Variants in GALNT17 observed in about 807,000 individuals in gnomAD.
GALNT17 encodes UDP-GalNAc:polypeptide N-acetylgalactosaminyltransferase-like 3.
A neutral mutation model predicts 63.7 loss-of-function variants in GALNT17; 29 were observed. The observed-to-expected ratio is 0.46, with a 90% confidence interval of 0.34 to 0.62. The LOEUF (loss-of-function observed/expected upper bound fraction) is 0.62, where lower values mean the gene tolerates loss of function less well. Ranked by LOEUF, GALNT17 falls within the 20% of genes least tolerant of loss-of-function variation. The pLI is 0.01. For synonymous variants in GALNT17, 305 were observed against 318.3 expected (o/e 0.96, Z 0.45); for missense variants, 603 against 799.6 (o/e 0.75, Z 2.97).
Position 71,672,930 on chromosome 7 carries a change from G to GAA in GALNT17, c.1404+2825_1404+2826dup, listed in dbSNP as rs1791092036. The stretch of plus-strand genomic sequence containing the variant: ...TACACAAGAAAAAATACACATGGAT[G>GAA]AAAAACACATGACAATTTTAAATTT... On this transcript the variant is annotated intron_variant, in intron 8 of 10. Coordinates refer to ENST00000333538, the MANE Select transcript of GALNT17 (RefSeq NM_022479.3). Among the ~76,000 whole-genome samples the GAA allele has an allele frequency of 2.0e-5, 3 of 152,140 alleles. No individual in the cohort carries two copies. The South Asian group carries it at 6.2e-4, about 32-fold the overall frequency.
At chr7:71,371,548 A>T (rs1217547771) in intron 2 of GALNT17, among the ~76,000 whole-genome samples, 1 of 151,990 alleles carries the variant, frequency 6.6e-6, no homozygotes, top group African/African-American at 2.4e-5. Flanking sequence ...CTCTTTTGTT[A>T]TTGCTGTAAA....
intron 3 of GALNT17, among the ~76,000 whole-genome samples, chr7:71,406,917 T>TTACA (rs1306402120): frequency 6.6e-6 from 1 of 152,036 alleles, no homozygotes; most frequent in Non-Finnish European, 1.5e-5. Flanking sequence ...AAGCTAATTC[T>TTACA]TACATATATA....
intron 5 of GALNT17, among the ~76,000 whole-genome samples, chr7:71,504,377 T>C (rs1009143187): frequency 6.6e-6 from 1 of 151,834 alleles, no homozygotes; most frequent in African/African-American, 2.4e-5. Flanking sequence ...GCGACAGAGC[T>C]AGACTCCGTC....
chr7:71,364,022 T>G (rs1249526993), intron 2 of GALNT17, among the ~76,000 whole-genome samples: 1 of 149,870 alleles, frequency 6.7e-6, no homozygotes, highest in African/African-American at 2.5e-5. Flanking sequence ...TATATACATG[T>G]TTTTTTCCAT....
chr7:71,377,315 T>C (rs1386216959), intron 2 of GALNT17, among the ~76,000 whole-genome samples: 1 of 65,456 alleles, frequency 1.5e-5, no homozygotes, highest in African/African-American at 7.6e-5. Context: ...AAAATACATA[T>C]TTCCCAGGTA....
chr7:71,701,810 T>C lies in GALNT17; in HGVS notation c.1501-8951T>C, dbSNP rs1329480306. 4.3e-3 allele frequency among the ~76,000 whole-genome samples: 49 copies of C among 11,466 alleles called. 2 individuals are homozygous for C. Among genetic ancestry groups the C allele is most frequent in the African/African-American group, 6.7e-3 (44 of 6,548 alleles). The allele number at this position is 11,466 out of a possible 152,430, so 7.5% of individuals were successfully genotyped here. The stretch of plus-strand genomic sequence containing the variant: ...ATATATATGTGTGTGTGTGTATATA[T>C]ATATACACATATATATACACATATA... On this transcript the variant is annotated intron_variant, in intron 9 of 10. Coordinates refer to ENST00000333538, the MANE Select transcript of GALNT17 (RefSeq NM_022479.3).
At chr7:71,296,020 G>A (rs976628033) in intron 1 of GALNT17, among the ~76,000 whole-genome samples, 7 of 151,414 alleles carry the variant, frequency 4.6e-5, no homozygotes, top group African/African-American at 1.7e-4. Flanking sequence ...TTTTATTAAA[G>A]ACATTTTTAT....
intron 3 of GALNT17, among the ~76,000 whole-genome samples, chr7:71,402,577 G>A (rs1199290873): frequency 2.0e-5 from 3 of 152,100 alleles, no homozygotes; most frequent in Non-Finnish European, 4.4e-5. Context: ...TGAGTTTCTT[G>A]ATGATTTGGA....
At chr7:71,526,301 A>C (rs1209823993) in intron 5 of GALNT17, among the ~76,000 whole-genome samples, 1 of 152,138 alleles carries the variant, frequency 6.6e-6, no homozygotes, top group Non-Finnish European at 1.5e-5. Context: ...TCTCTGTCAA[A>C]AACCAATTTC....
intron 5 of GALNT17, among the ~76,000 whole-genome samples, chr7:71,539,605 A>G (rs939945532): frequency 3.9e-5 from 6 of 152,022 alleles, no homozygotes; most frequent in African/African-American, 1.2e-4. Flanking sequence ...CGATGTGTCA[A>G]ACTTTGAGTA....
Position 71,531,841 on chromosome 7 carries a change from A to G in GALNT17, c.963-39444A>G, listed in dbSNP as rs749406256. ...AGGCATTTCAAACAGAGCGGAATGC[A>G]TATAGGATATTGATTGGTTACACTG... is the stretch of plus-strand genomic sequence containing the variant. On this transcript the variant is annotated intron_variant, in intron 5 of 10. Transcript: ENST00000333538. Among the ~76,000 whole-genome samples the G allele has an allele frequency of 4.0e-4, 61 of 152,190 alleles. 1 individual carries two copies. Among genetic ancestry groups the G allele is most frequent in the South Asian group, 8.3e-4 (4 of 4,828 alleles).
At chr7:71,381,971 G>A (rs1313199466) in intron 2 of GALNT17, among the ~76,000 whole-genome samples, 2 of 152,194 alleles carry the variant, frequency 1.3e-5, no homozygotes, top group African/African-American at 4.8e-5. Flanking sequence ...AAGAAAGGCA[G>A]AGGGACAGGA....
intron 1 of GALNT17, among the ~76,000 whole-genome samples, chr7:71,321,420 G>A (rs1231621394): frequency 6.6e-6 from 1 of 152,140 alleles, no homozygotes; most frequent in Admixed American, 6.5e-5. Flanking sequence ...GGATATTTGT[G>A]GCAATGTTTG....
chr7:71,615,468 C>CT lies in GALNT17; in HGVS notation c.1080+44092dup, dbSNP rs59981146. On this transcript the variant is annotated intron_variant, in intron 6 of 10. Transcript: ENST00000333538. ...CTATCTGCACTTTAGGAGCAAAGCACTTTTTTTTTTTTTTTTTTTTTTTTT... is the reference window on the plus strand; with the variant it reads ...CTATCTGCACTTTAGGAGCAAAGCACTTTTTTTTTTTTTTTTTTTTTTTTTT... Among the ~76,000 whole-genome samples, 53 of 60,240 alleles carry CT rather than the reference C, an allele frequency of 8.8e-4. 3 individuals carry two copies. In the South Asian group the frequency reaches 0.016, roughly 18 times the overall value. 39.5% of individuals were successfully genotyped at this position (60,240 alleles called of 152,430 possible).
At chr7:71,309,064 C>G (rs1186463239) in intron 1 of GALNT17, among the ~76,000 whole-genome samples, 1 of 152,076 alleles carries the variant, frequency 6.6e-6, no homozygotes, top group Non-Finnish European at 1.5e-5. Context: ...TACTCTCTAT[C>G]CACCACTTGT....
At chr7:71,229,210 G>A (rs1289593953) in intron 1 of GALNT17, among the ~76,000 whole-genome samples, 2 of 152,364 alleles carry the variant, frequency 1.3e-5, no homozygotes, top group African/African-American at 2.4e-5. Context: ...CGTGAAGGAT[G>A]TGGCCCAGCG....
chr7:71,545,425 T>A (rs1270490851), intron 5 of GALNT17, among the ~76,000 whole-genome samples: 1 of 152,238 alleles, frequency 6.6e-6, no homozygotes, highest in Non-Finnish European at 1.5e-5. Context: ...TGATCTTGGC[T>A]CACTGCAACC....
intron 5 of GALNT17, among the ~76,000 whole-genome samples, chr7:71,533,791 T>A (rs1011677439): frequency 1.3e-5 from 2 of 152,114 alleles, no homozygotes; most frequent in African/African-American, 4.8e-5. Flanking sequence ...ACAGGTGATG[T>A]CAGCTGGGAG....
chr7:71,662,681 CCATGTTGTAGCATGTATCAACATTT>C (rs749254130), intron 6 of GALNT17, among the ~76,000 whole-genome samples: 5 of 152,194 alleles, frequency 3.3e-5, no homozygotes, highest in Non-Finnish European at 5.9e-5. Context: ...CCAGGTTCAT[CCATGTTGTAGCATGTATCAACATTT>C]CATTTTTTTC....
Sources: allele counts gnomAD v4.1 joint callset (sites outside exome capture counted in the v4.1 genomes callset), GRCh38; gene constraint gnomAD v4.1.1; transcripts MANE v1.5; gene names NCBI Gene and HGNC (gene_info 2026-07-23, HGNC 2026-07-21).